Variants in TBC1D22B observed in about 807,000 individuals in gnomAD.
TBC1D22B encodes the protein chromosome 6 open reading frame 197.
A neutral mutation model predicts 69.1 loss-of-function variants in TBC1D22B; 32 were observed. The observed-to-expected ratio is 0.46, with a 90% CI of 0.35 to 0.62. The LOEUF (loss-of-function observed/expected upper bound fraction) is 0.62. Among genes scored for constraint, TBC1D22B ranks in the 20% least tolerant of loss-of-function variants. The pLI is 0.00. For synonymous variants in TBC1D22B, 206 were observed against 229.8 expected (o/e 0.90, Z 0.94); for missense variants, 462 against 630.9 (o/e 0.73, Z 2.87).
chr6:37,267,575 A>G (rs1375551814), intron 1 of TBC1D22B, among the ~76,000 whole-genome samples: 1 of 145,868 alleles, frequency 6.9e-6, no homozygotes, highest in African/African-American at 2.5e-5. Context: ...ACACACATAT[A>G]TATATTCTGA....
At chr6:37,285,540 T>C (rs1003253162) in intron 6 of TBC1D22B, among the ~76,000 whole-genome samples, 3 of 152,114 alleles carry the variant, frequency 2.0e-5, no homozygotes, top group Non-Finnish European at 4.4e-5. Flanking sequence ...TCACTTAGGC[T>C]GGAGTGCAGT....
intron 1 of TBC1D22B, among the ~76,000 whole-genome samples, chr6:37,259,137 C>T (rs549691394): frequency 1.9e-3 from 291 of 151,636 alleles, no homozygotes; most frequent in African/African-American, 6.7e-3. Context: ...GGATTACAGG[C>T]GTTAGCCACC....
At chr6:37,317,826 C>CT (rs1401349361) in intron 12 of TBC1D22B, among the ~76,000 whole-genome samples, 1 of 152,036 alleles carries the variant, frequency 6.6e-6, no homozygotes, top group African/African-American at 2.4e-5. Context: ...GGAAGAGTGT[C>CT]TAGGCAGAGG....
Position 37,331,117 on chromosome 6 carries a change from A to T in TBC1D22B, c.1463A>T (p.Glu488Val). Residue 488 changes from glutamate to valine, a missense_variant, in exon 13 of 13, where the codon GAG becomes GTG. Glu to Val is a moderately radical substitution (Grantham distance 121). Coordinates refer to ENST00000373491, the MANE Select transcript of TBC1D22B (RefSeq NM_017772.4). ...GNEEIGLLLA[E>V]AYRLKYMFAD... ...GAAGAAATTGGGCTGCTTCTCGCCG[A>T]GGCATACAGACTCAAGTACATGTTT... is the stretch of plus-strand genomic sequence containing the variant. 2 of 1,614,164 alleles carry T rather than the reference A, an allele frequency of 1.2e-6. No homozygotes were observed. The highest frequency in any genetic ancestry group is 1.7e-6 in the Non-Finnish European group (2 of 1,180,016).
At chr6:37,328,243 T>C (rs1428100067) in intron 12 of TBC1D22B, among the ~76,000 whole-genome samples, 1 of 152,158 alleles carries the variant, frequency 6.6e-6, no homozygotes, top group African/African-American at 2.4e-5. Flanking sequence ...AGGCGGAGGT[T>C]GCGGTGAACT....
At chr6:37,319,478 G>C (rs141765620) in intron 12 of TBC1D22B, among the ~76,000 whole-genome samples, 1 of 152,158 alleles carries the variant, frequency 6.6e-6, no homozygotes, top group Non-Finnish European at 1.5e-5. Flanking sequence ...TCACAATATC[G>C]GCAGAACAGA....
intron 12 of TBC1D22B, among the ~76,000 whole-genome samples, chr6:37,325,995 C>G (rs1276253678): frequency 2.0e-5 from 3 of 152,216 alleles, no homozygotes; most frequent in Non-Finnish European, 4.4e-5. Flanking sequence ...TGGGGACATT[C>G]ACTTGTGCAG....
At position 37,267,502 on chromosome 6, in the gene TBC1D22B, CTAT is replaced by C. The variant is rs1158699752; in HGVS notation, c.57-2091_57-2089del. Among the ~76,000 whole-genome samples the C allele has an allele frequency of 1.5e-3, 5 of 3,372 alleles. No individual in the cohort carries two copies. The East Asian group carries it at 0.064, about 43-fold the overall frequency. 2.2% of individuals were successfully genotyped at this position (3,372 alleles called of 152,430 possible). A position where few individuals can be genotyped will look rare whatever the true frequency, so the allele number is the denominator to read the frequency against. On this transcript the variant is annotated intron_variant, in intron 1 of 12. Coordinates refer to ENST00000373491, the MANE Select transcript of TBC1D22B (RefSeq NM_017772.4). ...ATACACTATATATAATATATATACACTATATATATAATATATATATACACTATA... is the reference window on the plus strand; with the variant it reads ...ATACACTATATATAATATATATACACATATATAATATATATATACACTATA...
intron 1 of TBC1D22B, 92 bp downstream of exon 1, chr6:37,258,065 G>C: frequency 7.0e-7 from 1 of 1,426,620 alleles, no homozygotes; most frequent in Non-Finnish European, 9.5e-7. Flanking sequence ...CGCCACAGAG[G>C]CCAGAAGACT....
intron 8 of TBC1D22B, among the ~76,000 whole-genome samples, chr6:37,304,126 T>C (rs1258492153): frequency 6.6e-6 from 1 of 152,204 alleles, no homozygotes; most frequent in African/African-American, 2.4e-5. Context: ...ACTTTTCTGA[T>C]ACTGTGCTGA....
At chr6:37,319,591 C>T (rs2113787771) in intron 12 of TBC1D22B, among the ~76,000 whole-genome samples, 1 of 152,324 alleles carries the variant, frequency 6.6e-6, no homozygotes, top group African/African-American at 2.4e-5. Context: ...TGGCAATACC[C>T]AACAGAACAG....
chr6:37,265,170 C>A (rs534410548), intron 1 of TBC1D22B, among the ~76,000 whole-genome samples: 4 of 152,268 alleles, frequency 2.6e-5, no homozygotes, highest in Admixed American at 2.6e-4. Flanking sequence ...TGATGAAGTC[C>A]ATCATTTATC....
chr6:37,304,696 A>G (rs1051728907), intron 8 of TBC1D22B, among the ~76,000 whole-genome samples: 2 of 150,262 alleles, frequency 1.3e-5, no homozygotes, highest in Non-Finnish European at 3.0e-5. Context: ...GGATGGGGGC[A>G]TTTTTTTTTT....
At chr6:37,306,633 AAAAGT>A (rs1197154044) in intron 8 of TBC1D22B, among the ~76,000 whole-genome samples, 3 of 152,366 alleles carry the variant, frequency 2.0e-5, no homozygotes, top group Non-Finnish European at 4.4e-5. Flanking sequence ...TTTGCTAAAT[AAAAGT>A]AAAAGTAATA....
intron 12 of TBC1D22B, among the ~76,000 whole-genome samples, chr6:37,325,163 G>GT (rs1255783963): frequency 4.0e-5 from 6 of 151,532 alleles, no homozygotes; most frequent in Non-Finnish European, 4.4e-5. Flanking sequence ...TTACCTAATT[G>GT]TTTTTTTTCC....
intron 12 of TBC1D22B, 51 bp downstream of exon 12, chr6:37,317,257 G>A (rs377426938): frequency 5.2e-6 from 8 of 1,524,370 alleles, no homozygotes; most frequent in Non-Finnish European, 7.1e-6. Context: ...TAGAATGGGA[G>A]TTAGCCCCTC....
At chr6:37,316,101 G>A (rs555686563) in intron 10 of TBC1D22B, among the ~76,000 whole-genome samples, 19 of 152,214 alleles carry the variant, frequency 1.2e-4, no homozygotes, top group Non-Finnish European at 2.1e-4. Flanking sequence ...CAGCAATCAG[G>A]TTTGTTTGGG....
chr6:37,300,389 TCTCA>T (rs1264237172), intron 8 of TBC1D22B, among the ~76,000 whole-genome samples: 1 of 152,130 alleles, frequency 6.6e-6, no homozygotes, highest in Non-Finnish European at 1.5e-5. Flanking sequence ...TGAGATGGAA[TCTCA>T]CTCTGTTGCC....
chr6:37,290,053 G>A (rs1347209632), intron 7 of TBC1D22B, among the ~76,000 whole-genome samples: 1 of 152,164 alleles, frequency 6.6e-6, no homozygotes, highest in Non-Finnish European at 1.5e-5. Flanking sequence ...TGACAGAGAG[G>A]CTGGGAAGCA....
Sources: allele counts gnomAD v4.1 joint callset (sites outside exome capture counted in the v4.1 genomes callset), GRCh38; gene constraint gnomAD v4.1.1; transcripts MANE v1.5; gene names NCBI Gene and HGNC (gene_info 2026-07-23, HGNC 2026-07-21).